The following PPP4R3B variants were observed in gnomAD, a reference collection of about 807,000 sequenced individuals.
PPP4R3B encodes the protein protein phosphatase 4 regulatory subunit 3B.
PPP4R3B carries 52 observed loss-of-function variants against 95.4 expected under a neutral mutation model. That is an observed-to-expected ratio of 0.54 (90% confidence interval 0.44 to 0.69). The LOEUF is 0.69. Ranked by LOEUF, PPP4R3B falls within the 30% of genes least tolerant of loss-of-function variation. PPP4R3B has a pLI of 0.00. For synonymous variants in PPP4R3B, 407 were observed against 343.9 expected (o/e 1.18, Z -2.03); for missense variants, 1,003 against 1,005.9 (o/e 1.00, Z 0.04).
At chr2:55,588,345 C>T (rs1041512312) in intron 5 of PPP4R3B, among the ~76,000 whole-genome samples, 6 of 151,882 alleles carry the variant, frequency 4.0e-5, no homozygotes, top group African/African-American at 1.5e-4. Context: ...GAAATCCTGT[C>T]TCTACTAAAA....
rs770253599 is a variant in PPP4R3B at position 55,564,300 on chromosome 2, C to G, written c.2260+13G>C. 1.2e-6 allele frequency: 2 copies of G among 1,604,948 alleles called. No homozygotes were observed. Among genetic ancestry groups the G allele is most frequent in the Non-Finnish European group, 1.7e-6 (2 of 1,176,400 alleles). ...AAGAGGGTACACTGTGCAAAAATTC[C>G]GAATTTTAATACCTTTTTTAGTCTC... is the stretch of plus-strand genomic sequence containing the variant. On this transcript the variant is annotated intron_variant, in intron 15 of 16. Coordinates refer to ENST00000616407, the MANE Select transcript of PPP4R3B (RefSeq NM_001122964.3).
chr2:55,576,422 A>G (rs1688670019), intron 11 of PPP4R3B, among the ~76,000 whole-genome samples: 2 of 150,800 alleles, frequency 1.3e-5, no homozygotes, highest in East Asian at 2.0e-4. Flanking sequence ...TTGACCCTCA[A>G]TGCTGTATGT....
Position 55,617,377 on chromosome 2 carries a change from C to T in PPP4R3B, c.-92G>A. On this transcript the variant is annotated 5_prime_UTR_variant, in exon 1 of 17. Coordinates refer to ENST00000616407, the MANE Select transcript of PPP4R3B (RefSeq NM_001122964.3). ...TAGGAGACGGTAAAGGCAGTAGTGG[C>T]GGTGGCGGCGGCGGCGGCTTCGGAG... 7.4e-7 allele frequency: 1 copy of T among 1,356,592 alleles called. No homozygotes were observed. The highest frequency in any genetic ancestry group is 1.5e-5 in the African/African-American group (1 of 67,492). 84.0% of individuals were successfully genotyped at this position (1,356,592 alleles called of 1,614,324 possible). A position where few individuals can be genotyped will look rare whatever the true frequency, so the allele number is the denominator to read the frequency against.
At chr2:55,594,933 A>G (rs1691555102) in intron 4 of PPP4R3B, among the ~76,000 whole-genome samples, 1 of 152,182 alleles carries the variant, frequency 6.6e-6, no homozygotes, top group African/African-American at 2.4e-5. Context: ...ATAATAGGTG[A>G]CTACTGGTGG....
intron 6 of PPP4R3B, among the ~76,000 whole-genome samples, chr2:55,585,748 T>C (rs534485603): frequency 6.6e-6 from 1 of 152,298 alleles, no homozygotes; most frequent in Non-Finnish European, 1.5e-5. Context: ...TACAAAACCT[T>C]GAGGTGATTC....
intron 8 of PPP4R3B, among the ~76,000 whole-genome samples, chr2:55,580,630 A>T (rs955183173): frequency 6.6e-6 from 1 of 152,184 alleles, no homozygotes; most frequent in Non-Finnish European, 1.5e-5. Context: ...ATTTAAATCA[A>T]CTTTTAACAT....
At chr2:55,591,017 C>T (rs1279383399) in intron 4 of PPP4R3B, among the ~76,000 whole-genome samples, 1 of 152,166 alleles carries the variant, frequency 6.6e-6, no homozygotes, top group Non-Finnish European at 1.5e-5. Flanking sequence ...ATTAGTCTGA[C>T]TCAGGTGTTT....
At chr2:55,580,311 G>A (rs1033998220) in intron 8 of PPP4R3B, among the ~76,000 whole-genome samples, 1 of 152,074 alleles carries the variant, frequency 6.6e-6, no homozygotes, top group East Asian at 1.9e-4. Flanking sequence ...ATGTAAGTCA[G>A]AACAGCAAGC....
At chr2:55,555,098 G>A (rs1051615755) in intron 16 of PPP4R3B, among the ~76,000 whole-genome samples, 1 of 152,012 alleles carries the variant, frequency 6.6e-6, no homozygotes, top group African/African-American at 2.4e-5. Context: ...GGCTAACACA[G>A]TGAAATCCCA....
At chr2:55,583,496 G>C (rs1689698328) in intron 7 of PPP4R3B, among the ~76,000 whole-genome samples, 2 of 152,104 alleles carry the variant, frequency 1.3e-5, no homozygotes, top group Non-Finnish European at 2.9e-5. Flanking sequence ...GAAGAGTTAA[G>C]AATTCTGAAA....
rs1051960075 is a variant in PPP4R3B, at chr2:55,549,655, C to T, written c.*256G>A. The T allele has an allele frequency of 2.4e-6, 1 of 413,606 alleles. No individual in the cohort carries two copies. Among genetic ancestry groups the T allele is most frequent in the East Asian group, 4.9e-5 (1 of 20,232 alleles). 25.6% of individuals were successfully genotyped at this position (413,606 alleles called of 1,614,324 possible). A position where few individuals can be genotyped will look rare whatever the true frequency, so the allele number is the denominator to read the frequency against. On this transcript the variant is annotated 3_prime_UTR_variant, in exon 17 of 17. Transcript: ENST00000616407. ...CCTGTGACTTTTCCTTGCTGAGAAG[C>T]TGTCTCCCAGGTTCTGGTTACTAAT...
Position 55,588,937 on chromosome 2 carries a change from G to C in PPP4R3B, c.941C>G (p.Ser314Cys), listed in dbSNP as rs149678979. ...SMLQEDEKFL[S>C]EVFAQLTDEA... The stretch of plus-strand genomic sequence containing the variant: ...ATCTGTTAATTGTGCAAAAACTTCA[G>C]ACAAAAACTTCTCATCTTCCTGCAT... The change falls in exon 5 of 17, where the codon TCT (serine) becomes TGT (cysteine). Residue 314 changes from serine (S) to cysteine (C), a missense_variant. Transcript: ENST00000616407. The C allele has an allele frequency of 6.2e-7, 1 of 1,606,734 alleles. No homozygotes were observed. Among genetic ancestry groups the C allele is most frequent in the African/African-American group, 1.3e-5 (1 of 74,732 alleles).
intron 15 of PPP4R3B, among the ~76,000 whole-genome samples, chr2:55,562,404 G>A (rs887992420): frequency 6.6e-6 from 1 of 152,124 alleles, no homozygotes; most frequent in Non-Finnish European, 1.5e-5. Flanking sequence ...CCTGGGCAAT[G>A]AGAAGGAGAC....
intron 5 of PPP4R3B, among the ~76,000 whole-genome samples, chr2:55,588,542 A>C (rs1461799991): frequency 6.6e-6 from 1 of 151,816 alleles, no homozygotes; most frequent in African/African-American, 2.4e-5. Context: ...GAAAAAGAAA[A>C]GCATGGCTAT....
intron 2 of PPP4R3B, among the ~76,000 whole-genome samples, chr2:55,608,677 A>G (rs1693746531): frequency 6.6e-6 from 1 of 152,200 alleles, no homozygotes; most frequent in African/African-American, 2.4e-5. Context: ...AAACTCTTCA[A>G]AAGCTTACTT....
chr2:55,584,971 TTA>T (rs1448933938), intron 7 of PPP4R3B, 78 bp downstream of exon 7: 4 of 1,047,370 alleles, frequency 3.8e-6, no homozygotes, highest in East Asian at 2.7e-5. Context: ...TAAGATTATG[TTA>T]TGTTTTTTCT....
rs372526469 is a variant in PPP4R3B at position 55,581,558 on chromosome 2, A to G, written c.1365+9T>C. 6.2e-7 allele frequency: 1 copy of G among 1,605,380 alleles called. No homozygotes were observed. Among genetic ancestry groups the G allele is most frequent in the Non-Finnish European group, 8.5e-7 (1 of 1,176,920 alleles). ...GCCAAAACATTTTTATCTCAGAGTA[A>G]TTTCTTACATTAGTTGTAGCCAGCA... On this transcript the variant is annotated intron_variant, in intron 8 of 16. Coordinates refer to ENST00000616407, the MANE Select transcript of PPP4R3B (RefSeq NM_001122964.3).
chr2:55,610,869 G>GTTTT lies in PPP4R3B; in HGVS notation c.198+4578_198+4581dup, dbSNP rs11413034. Among the ~76,000 whole-genome samples, 29 of 140,488 alleles carry GTTTT rather than the reference G, an allele frequency of 2.1e-4. 2 individuals carry two copies. The highest frequency in any genetic ancestry group is 1.1e-3 in the Admixed American group (16 of 14,054). The allele number at this position is 140,488 out of a possible 152,430, so 92.2% of individuals were successfully genotyped here. On this transcript the variant is annotated intron_variant, in intron 2 of 16. Transcript: ENST00000616407. Reference sequence around the variant, plus strand: ...ATAGGTACACATTCTTATGACTCTGGTTTTTTTTTTTTTTTTGAGAGAGTC... The same window carrying GTTTT: ...ATAGGTACACATTCTTATGACTCTGGTTTTTTTTTTTTTTTTTTTTGAGAGAGTC...
intron 15 of PPP4R3B, among the ~76,000 whole-genome samples, chr2:55,564,095 A>G (rs938238557): frequency 2.6e-5 from 4 of 152,236 alleles, no homozygotes; most frequent in African/African-American, 9.6e-5. Context: ...GCAAATTAAC[A>G]GCATTACAAA....
Sources: gnomAD v4.1 joint callset for allele counts (sites outside exome capture counted in the v4.1 genomes callset) on GRCh38, gnomAD v4.1.1 for gene constraint, MANE v1.5 for transcripts, NCBI Gene and HGNC (gene_info 2026-07-23, HGNC 2026-07-21) for gene names.